Variants in C11orf71 observed in about 807,000 individuals in gnomAD.
The protein encoded by C11orf71 is chromosome 11 open reading frame 71.
For missense variants in C11orf71, 179 were observed against 167.6 expected, an observed-to-expected ratio of 1.07 and a Z score of -0.38; for synonymous variants, 72 against 73.4, an observed-to-expected ratio of 0.98 and a Z score of 0.09.
At chr11:114,394,251 TCTTTTCTTTTC>T (rs1170785727), downstream of C11orf71, among the ~76,000 whole-genome samples, 66 of 65,380 alleles carry the variant, frequency 1.0e-3, 5 homozygotes, top group African/African-American at 7.5e-3. Flanking sequence ...TCTTTTCTTT[TCTTTTCTTTTC>T]TTTTCTTTTC....
At chr11:114,391,676 CA>C in intron 1 of C11orf71, 1 of 1,270,274 alleles carries the variant, frequency 7.9e-7, no homozygotes, top group Non-Finnish European at 1.1e-6. Flanking sequence ...CTAAAATACA[CA>C]AAATGGATGA....
rs1044381084 is a variant in C11orf71 at position 114,399,711 on chromosome 11, A to C, written c.*249T>G. On this transcript the variant is annotated 3_prime_UTR_variant, in exon 1 of 1. Coordinates refer to ENST00000623205, the MANE Select transcript of C11orf71 (RefSeq NM_001271562.2). ...CTGGGGAGGGTGCTCCCATCAGCTC[A>C]GCTTTGTGACGACCTAAGAATATCC... 1.9e-6 allele frequency: 1 copy of C among 519,904 alleles called. No individual in the cohort carries two copies. The highest frequency in any genetic ancestry group is 5.2e-4 in the Middle Eastern group (1 of 1,936). The allele number at this position is 519,904 out of a possible 1,614,324, so 32.2% of individuals were successfully genotyped here.
chr11:114,393,168 TCAA>T (rs1485141994), intron 1 of C11orf71, among the ~76,000 whole-genome samples: 2 of 152,350 alleles, frequency 1.3e-5, no homozygotes, highest in Admixed American at 6.5e-5. Flanking sequence ...TAAAGTCATT[TCAA>T]CAACAACTTA....
At chr11:114,394,139 C>T (rs1442434552), downstream of C11orf71, among the ~76,000 whole-genome samples, 7 of 150,592 alleles carry the variant, frequency 4.6e-5, no homozygotes, top group Non-Finnish European at 7.4e-5. Flanking sequence ...ATCACCACTC[C>T]GGCTAATTTT....
At chr11:114,395,751 G>T (rs914650930), downstream of C11orf71, among the ~76,000 whole-genome samples, 1 of 152,188 alleles carries the variant, frequency 6.6e-6, no homozygotes, top group African/African-American at 2.4e-5. Context: ...TTGATCCTCA[G>T]TGCCTAGGGA....
intron 1 of C11orf71, among the ~76,000 whole-genome samples, chr11:114,392,750 A>G (rs1946083222): frequency 6.6e-6 from 1 of 151,620 alleles, no homozygotes; most frequent in Admixed American, 6.6e-5. Context: ...AAAAAACAAA[A>G]AAAAATTGTA....
chr11:114,397,490 G>C (rs1018511174), downstream of C11orf71, among the ~76,000 whole-genome samples: 1 of 152,196 alleles, frequency 6.6e-6, no homozygotes, highest in Non-Finnish European at 1.5e-5. Flanking sequence ...CATTGACTCA[G>C]ATTTAAAATA....
chr11:114,399,635 G>T lies in C11orf71; in HGVS notation c.*325C>A, dbSNP rs193032856. 3.2e-5 allele frequency: 8 copies of T among 249,142 alleles called. No homozygotes were observed. The highest frequency in any genetic ancestry group is 5.4e-5 in the Non-Finnish European group (7 of 128,990). 15.4% of individuals were successfully genotyped at this position (249,142 alleles called of 1,614,324 possible). A position where few individuals can be genotyped will look rare whatever the true frequency, so the allele number is the denominator to read the frequency against. ...AAGGAGCACTTCTTTTTCGCCAACA[G>T]AAGTAAAGGTAAAGGTTAAGTGTCT... On this transcript the variant is annotated 3_prime_UTR_variant, in exon 1 of 1. Transcript: ENST00000623205.
At chr11:114,391,536 A>G in exon 2 of C11orf71, 1 of 1,276,066 alleles carries the variant, frequency 7.8e-7, no homozygotes, top group South Asian at 1.6e-5. Flanking sequence ...ATCTTAAATA[A>G]TATAAATGTA....
In C11orf71 at chr11:114,399,753, G is replaced by A; in HGVS notation, c.*207C>T. 1.3e-6 allele frequency: 1 copy of A among 765,290 alleles called. No homozygotes were observed. The highest frequency in any genetic ancestry group is 3.4e-5 in the Admixed American group (1 of 29,508). 47.4% of individuals were successfully genotyped at this position (765,290 alleles called of 1,614,324 possible). A position where few individuals can be genotyped will look rare whatever the true frequency, so the allele number is the denominator to read the frequency against. The stretch of plus-strand genomic sequence containing the variant: ...AGAATATCCCTTCCACACCTTTCCT[G>A]ATCCAATCGTTCTGGCTGCATAAAA... On this transcript the variant is annotated 3_prime_UTR_variant, in exon 1 of 1. Coordinates refer to ENST00000623205, the MANE Select transcript of C11orf71 (RefSeq NM_001271562.2).
downstream of C11orf71, among the ~76,000 whole-genome samples, chr11:114,395,818 G>T (rs1946127076): frequency 6.6e-6 from 1 of 152,190 alleles, no homozygotes; most frequent in Non-Finnish European, 1.5e-5. Context: ...GACATTGATA[G>T]GTATGGGTCA....
downstream of C11orf71, among the ~76,000 whole-genome samples, chr11:114,394,192 TC>T (rs199817830): frequency 0.091 from 4,742 of 52,016 alleles, 256 homozygotes; most frequent in African/African-American, 0.16. Context: ...TCTTTTCTTT[TC>T]TTTTCTTTTC....
chr11:114,394,228 C>CTTTTCCTTTCTTTTCT, downstream of C11orf71, among the ~76,000 whole-genome samples: 1 of 48,700 alleles, frequency 2.1e-5, no homozygotes, highest in Non-Finnish European at 3.6e-5. Context: ...CTTTTCTTTT[C>CTTTTCCTTTCTTTTCT]TTTCTTTTCT....
chr11:114,395,257 T>C (rs576621536), downstream of C11orf71, among the ~76,000 whole-genome samples: 20 of 152,268 alleles, frequency 1.3e-4, no homozygotes, highest in African/African-American at 4.8e-4. Context: ...TGTCAGTCAA[T>C]ATAGTTCATT....
In C11orf71 at chr11:114,400,088, C is replaced by T; in HGVS notation, c.244G>A (p.Gly82Ser). Residue 82 changes from glycine (G) to serine (S), a missense_variant, in exon 1 of 1, where the codon GGC becomes AGC. By Grantham distance (56) the Gly-to-Ser change is moderately conservative. Coordinates refer to ENST00000623205, the MANE Select transcript of C11orf71 (RefSeq NM_001271562.2). ...GAGAATCTGGCTTGGCGGCTCCGGC[C>T]CCGGCCATCTGGTTCCCTTGGGCTC... ...GRSPREPDGR[G>S]RSRQARFSPY... The T allele has an allele frequency of 6.2e-7, 1 of 1,613,892 alleles. No homozygotes were observed. Among genetic ancestry groups the T allele is most frequent in the South Asian group, 1.1e-5 (1 of 91,086 alleles).
At chr11:114,398,009 C>A (rs1946141449), downstream of C11orf71, among the ~76,000 whole-genome samples, 1 of 152,174 alleles carries the variant, frequency 6.6e-6, no homozygotes, top group South Asian at 2.1e-4. Flanking sequence ...AGTCATATTT[C>A]GCACTATGAG....
In C11orf71 at chr11:114,400,312, G is replaced by C; in HGVS notation, c.20C>G (p.Ser7Cys). Reference protein sequence around the residue: MALNNVSLSSGDQRSRV... With the variant: MALNNVCLSSGDQRSRV... ...GCTCCTCTGATCACCGGAGGACAGG[G>C]ACACATTGTTCAGGGCCATATTCAA... is the stretch of plus-strand genomic sequence containing the variant. The change falls in exon 1 of 1, where the codon TCC (serine) becomes TGC (cysteine). Residue 7 changes from serine (S) to cysteine (C), a missense_variant. Ser to Cys is a moderately radical substitution (Grantham distance 112). Coordinates refer to ENST00000623205, the MANE Select transcript of C11orf71 (RefSeq NM_001271562.2). 1.2e-6 allele frequency: 2 copies of C among 1,608,828 alleles called. No individual in the cohort carries two copies. Among genetic ancestry groups the C allele is most frequent in the Non-Finnish European group, 1.7e-6 (2 of 1,177,736 alleles).
intron 1 of C11orf71, among the ~76,000 whole-genome samples, chr11:114,392,286 G>A (rs1946078669): frequency 6.6e-6 from 1 of 151,742 alleles, no homozygotes; most frequent in Non-Finnish European, 1.5e-5. Context: ...GCCTGTAATC[G>A]CAACACTTTG....
exon 2 of C11orf71, chr11:114,391,643 T>G (rs772968193): frequency 7.8e-5 from 118 of 1,516,884 alleles, no homozygotes; most frequent in Non-Finnish European, 1.0e-4. Context: ...CAGACTCAGA[T>G]AGCTTCAGGG....
Sources: allele counts gnomAD v4.1 joint callset (sites outside exome capture counted in the v4.1 genomes callset), GRCh38; gene constraint gnomAD v4.1.1; transcripts MANE v1.5; gene names NCBI Gene and HGNC (gene_info 2026-07-23, HGNC 2026-07-21).